Variants in SLC4A10 observed in about 807,000 individuals in gnomAD.
The protein encoded by SLC4A10 is solute carrier family 4 member 10.
A neutral mutation model predicts 137.7 loss-of-function variants in SLC4A10; 42 were observed. The ratio of observed to expected loss-of-function variants is 0.30; its 90% confidence interval spans 0.24 to 0.39. The LOEUF is 0.39. Among genes scored for constraint, SLC4A10 ranks in the 10% least tolerant of loss-of-function variants. The pLI is 1.00. For missense variants in SLC4A10, 925 were observed against 1,355.0 expected (o/e 0.68, Z 4.98); for synonymous variants, 474 against 464.1 (o/e 1.02, Z -0.27).
intron 1 of SLC4A10, among the ~76,000 whole-genome samples, chr2:161,669,495 G>A (rs2039453276): frequency 6.6e-6 from 1 of 151,774 alleles, no homozygotes; most frequent in Non-Finnish European, 1.5e-5. Context: ...ATAATTAAAT[G>A]TGCCATAGTT....
intron 15 of SLC4A10, among the ~76,000 whole-genome samples, chr2:161,926,092 A>G (rs1689021724): frequency 6.6e-6 from 1 of 152,008 alleles, no homozygotes; most frequent in Non-Finnish European, 1.5e-5. Context: ...GCTGAGTTCA[A>G]TTCCTGGGTA....
At chr2:161,908,964 T>G (rs1685139872) in intron 15 of SLC4A10, among the ~76,000 whole-genome samples, 1 of 151,154 alleles carries the variant, frequency 6.6e-6, no homozygotes, top group Non-Finnish European at 1.5e-5. Flanking sequence ...TAAAATAGCT[T>G]TATGTGGCCA....
At chr2:161,641,353 T>A (rs901974930) in intron 1 of SLC4A10, among the ~76,000 whole-genome samples, 2 of 152,148 alleles carry the variant, frequency 1.3e-5, no homozygotes, top group African/African-American at 4.8e-5. Context: ...CCAAAAGTCA[T>A]AATATATGAC....
In SLC4A10 at chr2:161,761,966, C is replaced by T. The variant is rs1235144979; in HGVS notation, c.49-9007C>T. Among the ~76,000 whole-genome samples the T allele has an allele frequency of 3.9e-5, 6 of 152,068 alleles. 1 individual carries two copies. The highest frequency in any genetic ancestry group is 4.1e-4 in the South Asian group (2 of 4,834). On this transcript the variant is annotated intron_variant, in intron 1 of 26. Coordinates refer to ENST00000446997, the MANE Select transcript of SLC4A10 (RefSeq NM_001178015.2). ...TATTCCTACATTAGAGGATTTTACC[C>T]TCCAATTCTTATTCTCAGTTCTATT...
At chr2:161,904,325 A>G (rs1399562741) in intron 13 of SLC4A10, 147 bp downstream of exon 13, 2 of 843,250 alleles carry the variant, frequency 2.4e-6, no homozygotes, top group Non-Finnish European at 3.5e-6. Context: ...AATTTCCTGG[A>G]TGGCTAGTGG....
At chr2:161,656,464 C>G (rs1240402841) in intron 1 of SLC4A10, among the ~76,000 whole-genome samples, 2 of 151,974 alleles carry the variant, frequency 1.3e-5, no homozygotes, top group African/African-American at 2.4e-5. Context: ...GAAATGACAT[C>G]ATTTATCTAT....
At chr2:161,978,737 T>C (rs1049694265) in intron 26 of SLC4A10, among the ~76,000 whole-genome samples, 9 of 152,208 alleles carry the variant, frequency 5.9e-5, no homozygotes, top group African/African-American at 2.2e-4. Flanking sequence ...CCACCTTTAA[T>C]ATTTACTACA....
rs1233292118 is a variant in SLC4A10 at position 161,974,268 on chromosome 2, C to A, written c.3179C>A (p.Ala1060Asp). 15 of 1,607,768 alleles carry A rather than the reference C, an allele frequency of 9.3e-6. No individual in the cohort carries two copies. The highest frequency in any genetic ancestry group is 1.3e-5 in the African/African-American group (1 of 74,794). Residue 1060 changes from alanine to aspartate, a missense_variant, in exon 24 of 27, where the codon GCT (alanine) becomes GAT (aspartate). This residue lies in a region of SLC4A10 where 84 missense variants were observed against 76.9 expected (regional missense o/e 1.09). Transcript: ENST00000446997. ...TTTCAGGAAGAACAAAGTATGCTAG[C>A]TATGGAAGATGAGGGCACAGTACAA... ...AEKEEEQSML[A>D]MEDEGTVQLP...
chr2:161,631,640 A>G (rs1406985878), intron 1 of SLC4A10, among the ~76,000 whole-genome samples: 1 of 151,692 alleles, frequency 6.6e-6, no homozygotes, highest in Non-Finnish European at 1.5e-5. Flanking sequence ...CTTGAGTCAC[A>G]CTGTATTTAG....
At chr2:161,646,813 A>C (rs2036110083) in intron 1 of SLC4A10, among the ~76,000 whole-genome samples, 1 of 152,032 alleles carries the variant, frequency 6.6e-6, no homozygotes, top group Non-Finnish European at 1.5e-5. Context: ...ACAGTGACAA[A>C]AATTTATGGA....
At chr2:161,782,314 G>T (rs1364432562) in intron 2 of SLC4A10, among the ~76,000 whole-genome samples, 1 of 151,984 alleles carries the variant, frequency 6.6e-6, no homozygotes, top group Admixed American at 6.6e-5. Context: ...AAGCAAATAA[G>T]TTGAACAAGC....
chr2:161,858,163 G>A (rs754947462), intron 5 of SLC4A10, among the ~76,000 whole-genome samples: 4 of 152,000 alleles, frequency 2.6e-5, no homozygotes, highest in Non-Finnish European at 4.4e-5. Context: ...TTTTACAAAC[G>A]CTAAGTGTAA....
intron 1 of SLC4A10, among the ~76,000 whole-genome samples, chr2:161,644,092 A>G (rs953623968): frequency 1.5e-4 from 18 of 120,480 alleles, no homozygotes; most frequent in African/African-American, 3.9e-4. Flanking sequence ...TCTTTTTCTT[A>G]ACAACACTTA....
intron 3 of SLC4A10, 79 bp from the exon 4 acceptor site, chr2:161,839,710 G>C: frequency 6.5e-7 from 1 of 1,535,806 alleles, no homozygotes; most frequent in South Asian, 1.2e-5. Flanking sequence ...GGGTGGTGCT[G>C]AAGGCAGTGA....
At chr2:161,819,989 G>C (rs1012533409) in intron 3 of SLC4A10, among the ~76,000 whole-genome samples, 4 of 152,082 alleles carry the variant, frequency 2.6e-5, no homozygotes, top group Non-Finnish European at 4.4e-5. Flanking sequence ...TCCCTGAAAA[G>C]AATCTAATAG....
At chr2:161,671,571 A>G (rs2039725412) in intron 1 of SLC4A10, among the ~76,000 whole-genome samples, 1 of 152,114 alleles carries the variant, frequency 6.6e-6, no homozygotes, top group African/African-American at 2.4e-5. Context: ...CTGAAAAACT[A>G]CCTGTTGGGT....
chr2:161,653,648 T>C (rs2037120684), intron 1 of SLC4A10, among the ~76,000 whole-genome samples: 1 of 152,258 alleles, frequency 6.6e-6, no homozygotes, highest in Non-Finnish European at 1.5e-5. Flanking sequence ...GCAGTATTTG[T>C]CTTTTCAAGA....
chr2:161,836,426 A>G (rs1344094409), intron 3 of SLC4A10, among the ~76,000 whole-genome samples: 1 of 151,850 alleles, frequency 6.6e-6, no homozygotes, highest in African/African-American at 2.4e-5. Context: ...TGAACCTGGG[A>G]GGCAGAGGTT....
At position 161,932,735 on chromosome 2, in the gene SLC4A10, C is replaced by T. The variant is rs568937274; in HGVS notation, c.1998-10057C>T. ...AAATGTAAAGTATAGGATCTTTCTA[C>T]CACAATCTTTACTACTGTAGGGAGT... On this transcript the variant is annotated intron_variant, in intron 15 of 26. Coordinates refer to ENST00000446997, the MANE Select transcript of SLC4A10 (RefSeq NM_001178015.2). 5.3e-4 allele frequency among the ~76,000 whole-genome samples: 80 copies of T among 152,240 alleles called. 1 individual carries two copies. Among genetic ancestry groups the T allele is most frequent in the Middle Eastern group, 3.4e-3 (1 of 294 alleles).
Sources: allele counts gnomAD v4.1 joint callset (sites outside exome capture counted in the v4.1 genomes callset), GRCh38; gene constraint gnomAD v4.1.1; regional missense constraint gnomAD v4.1.1; transcripts MANE v1.5; gene names NCBI Gene and HGNC (gene_info 2026-07-23, HGNC 2026-07-21).